Variants in NCOA1 observed in about 807,000 individuals in gnomAD.
NCOA1 encodes the protein Hin-2 protein.
In NCOA1, 35 loss-of-function variants were observed where a neutral mutation model predicts 150.9. The observed-to-expected ratio is 0.23, with a 90% CI of 0.18 to 0.31. NCOA1 has a LOEUF of 0.31. NCOA1 is among the 10% of genes least tolerant of loss of function. The probability of loss-of-function intolerance (pLI) is 1.00; values close to 1 mark genes in which losing one functional copy is unlikely to be tolerated. For missense variants in NCOA1, 1,491 were observed against 1,749.3 expected (o/e 0.85, Z 2.63); for synonymous variants, 590 against 630.0 (o/e 0.94, Z 0.95).
intron 1 of NCOA1, among the ~76,000 whole-genome samples, chr2:24,543,841 G>A (rs1665497126): frequency 6.6e-6 from 1 of 151,856 alleles, no homozygotes; most frequent in Non-Finnish European, 1.5e-5. Context: ...GAGAGGAATG[G>A]GAATCTATTG....
At chr2:24,621,432 A>ATTTTTTTTTTTTTTTTTTTTT (rs1162282258) in intron 3 of NCOA1, among the ~76,000 whole-genome samples, 1 of 38,892 alleles carries the variant, frequency 2.6e-5, no homozygotes, top group Non-Finnish European at 4.3e-5. Flanking sequence ...ATTCAGGCAG[A>ATTTTTTTTTTTTTTTTTTTTT]TTTTTTTTTT....
chr2:24,498,633 C>T (rs947621349), intron 1 of NCOA1, among the ~76,000 whole-genome samples: 3 of 152,008 alleles, frequency 2.0e-5, no homozygotes, highest in African/African-American at 4.8e-5. Flanking sequence ...GATGAAAAGA[C>T]GGAGTAATGC....
At chr2:24,560,970 C>G (rs1307584987) in intron 1 of NCOA1, among the ~76,000 whole-genome samples, 2 of 152,104 alleles carry the variant, frequency 1.3e-5, no homozygotes, top group East Asian at 1.9e-4. Flanking sequence ...TTCATAAAAT[C>G]TAATTTTTGG....
At chr2:24,569,605 C>T (rs1666656314) in intron 2 of NCOA1, among the ~76,000 whole-genome samples, 1 of 117,544 alleles carries the variant, frequency 8.5e-6, no homozygotes, top group Admixed American at 1.3e-4. Context: ...GGTACGGTAG[C>T]TCAGGCCTGT....
chr2:24,666,075 G>T (rs532457155), intron 6 of NCOA1, among the ~76,000 whole-genome samples, 160 bp downstream of exon 6: 1 of 151,442 alleles, frequency 6.6e-6, no homozygotes, highest in Non-Finnish European at 1.5e-5. Flanking sequence ...GCAGTGGTGC[G>T]ATCTCGGCTC....
At chr2:24,714,307 C>A (rs1336268143) in intron 14 of NCOA1, among the ~76,000 whole-genome samples, 3 of 152,076 alleles carry the variant, frequency 2.0e-5, no homozygotes, top group Non-Finnish European at 4.4e-5. Context: ...TAATTTCCAA[C>A]ATATAATAAA....
intron 1 of NCOA1, among the ~76,000 whole-genome samples, chr2:24,499,629 C>T (rs146334510): frequency 5.9e-5 from 9 of 152,068 alleles, no homozygotes; most frequent in Admixed American, 1.3e-4. Context: ...GTAAAAATGT[C>T]TCTTTGTATA....
rs561574821 is a variant in NCOA1, at chr2:24,514,073, G to A, written c.-396+22471G>A. Among the ~76,000 whole-genome samples the A allele has an allele frequency of 1.3e-3, 203 of 152,062 alleles. 4 individuals carry two copies. Among genetic ancestry groups the A allele is most frequent in the African/African-American group, 4.7e-3 (193 of 41,478 alleles). The stretch of plus-strand genomic sequence containing the variant: ...GGAGGCCGAGGCAGGCGGATCACGA[G>A]GTCAGGAGATCGAGACCATCCTGGC... On this transcript the variant is annotated intron_variant, in intron 1 of 22. Transcript: ENST00000348332.
chr2:24,492,119 G>A (rs1662993781), intron 1 of NCOA1: 1 of 152,212 alleles, frequency 6.6e-6, no homozygotes, highest in African/African-American at 2.4e-5. Flanking sequence ...CGTCGGCGCA[G>A]CCCTCGACGG....
chr2:24,669,268 T>G (rs1419605463), intron 6 of NCOA1, among the ~76,000 whole-genome samples: 1 of 152,184 alleles, frequency 6.6e-6, no homozygotes, highest in Non-Finnish European at 1.5e-5. Flanking sequence ...GTGTGAGGGA[T>G]TGACTCCTTC....
intron 19 of NCOA1, among the ~76,000 whole-genome samples, chr2:24,745,157 C>CA (rs1439280115): frequency 3.8e-5 from 5 of 131,686 alleles, no homozygotes; most frequent in Non-Finnish European, 8.2e-5. Context: ...TTTCTTTTTT[C>CA]TTTTTTTTTT....
At chr2:24,630,859 CT>C (rs1487428790) in intron 3 of NCOA1, among the ~76,000 whole-genome samples, 1 of 152,084 alleles carries the variant, frequency 6.6e-6, no homozygotes, top group Non-Finnish European at 1.5e-5. Context: ...AAGCAAACAA[CT>C]TTATTGTAAA....
In NCOA1 at chr2:24,719,056, C is replaced by A. The variant is rs867796328; in HGVS notation, c.2600-7533C>A. Among the ~76,000 whole-genome samples the A allele has an allele frequency of 6.5e-3, 672 of 103,296 alleles. 6 individuals are homozygous for A. The highest frequency in any genetic ancestry group is 0.02 in the African/African-American group (574 of 28,064). The allele number at this position is 103,296 out of a possible 152,430, so 67.8% of individuals were successfully genotyped here. On this transcript the variant is annotated intron_variant, in intron 14 of 22. Coordinates refer to ENST00000348332, the MANE Select transcript of NCOA1 (RefSeq NM_003743.5). ...AAAAAAAAAAAAAAAAAAAAAAAAA[C>A]CCCAAACCGGAACAAACTAAATGTC...
chr2:24,741,519 A>G (rs1208926281), intron 18 of NCOA1, among the ~76,000 whole-genome samples: 1 of 152,186 alleles, frequency 6.6e-6, no homozygotes, highest in Non-Finnish European at 1.5e-5. Flanking sequence ...CTTTTCATTG[A>G]GAATTTGCGT....
At chr2:24,683,223 C>A in intron 8 of NCOA1, 95 bp downstream of exon 8, 2 of 710,030 alleles carry the variant, frequency 2.8e-6, no homozygotes, top group Non-Finnish European at 4.0e-6. Context: ...TTATAATACA[C>A]AGTATTATAT....
At chr2:24,660,906 A>T (rs1372680234) in intron 5 of NCOA1, among the ~76,000 whole-genome samples, 1 of 151,946 alleles carries the variant, frequency 6.6e-6, no homozygotes, top group Non-Finnish European at 1.5e-5. Flanking sequence ...TTTAAGAAAA[A>T]AAAAAATTGC....
intron 2 of NCOA1, among the ~76,000 whole-genome samples, chr2:24,566,539 G>A (rs1666514880): frequency 1.3e-5 from 2 of 152,194 alleles, no homozygotes. Flanking sequence ...TGGTTCATGA[G>A]TGGGCCCAGA....
At chr2:24,702,752 G>A (rs1673225449) in intron 11 of NCOA1, among the ~76,000 whole-genome samples, 1 of 152,118 alleles carries the variant, frequency 6.6e-6, no homozygotes, top group South Asian at 2.1e-4. Context: ...CAGAATACTA[G>A]GTATAAAGAT....
At chr2:24,588,377 C>A (rs1667506378) in intron 3 of NCOA1, among the ~76,000 whole-genome samples, 2 of 152,174 alleles carry the variant, frequency 1.3e-5, no homozygotes, top group Non-Finnish European at 2.9e-5. Flanking sequence ...TTCCTGGACT[C>A]ATTTTTCTTA....
Sources: allele counts gnomAD v4.1 joint callset (sites outside exome capture counted in the v4.1 genomes callset), GRCh38; gene constraint gnomAD v4.1.1; transcripts MANE v1.5; gene names NCBI Gene and HGNC (gene_info 2026-07-23, HGNC 2026-07-21).